The following MYH15 variants were observed in gnomAD, a reference collection of about 807,000 sequenced individuals.
MYH15 encodes myosin-15.
A neutral mutation model predicts 240.5 loss-of-function variants in MYH15; 227 were observed. The observed-to-expected ratio is 0.94, with a 90% CI of 0.85 to 1.05. The LOEUF is 1.05. Among genes scored for constraint, MYH15 ranks in the 50% least tolerant of loss-of-function variants. The pLI is 0.00. For synonymous variants in MYH15, 785 were observed against 796.7 expected (o/e 0.99, Z 0.25); for missense variants, 2,217 against 2,247.5 (o/e 0.99, Z 0.27).
chr3:108,417,322 A>G (rs977432145), intron 28 of MYH15, among the ~76,000 whole-genome samples: 1 of 152,178 alleles, frequency 6.6e-6, no homozygotes, highest in African/African-American at 2.4e-5. Context: ...CTGAAACAGA[A>G]ACATACACAG....
Position 108,485,190 on chromosome 3 carries a change from A to G in MYH15, c.1015T>C (p.Tyr339His), listed in dbSNP as rs1415227906. 7 of 1,614,100 alleles carry G rather than the reference A, an allele frequency of 4.3e-6. No individual in the cohort carries two copies. Among genetic ancestry groups the G allele is most frequent in the Non-Finnish European group, 5.9e-6 (7 of 1,179,968 alleles). The change falls in exon 11 of 41, where the codon TAT becomes CAT. Residue 339 changes from tyrosine (Y) to histidine (H), a missense_variant. Transcript: ENST00000693548. ...DILGFLPDEK[Y>H]GCYKLTGAIM... ...GCTCCAGTGAGTTTATAGCATCCAT[A>G]CTTCTCATCAGGAAGAAAGCCCAAG...
chr3:108,485,180 T>G lies in MYH15; in HGVS notation c.1025A>C (p.Tyr342Ser), dbSNP rs771877706. 5.0e-6 allele frequency: 8 copies of G among 1,614,036 alleles called. No homozygotes were observed. Among genetic ancestry groups the G allele is most frequent in the Non-Finnish European group, 6.8e-6 (8 of 1,179,990 alleles). Residue 342 changes from tyrosine to serine, a missense_variant, in exon 11 of 41, where the codon TAT becomes TCT. Tyr to Ser is a moderately radical substitution (Grantham distance 144, BLOSUM62 -2). Coordinates refer to ENST00000693548, the MANE Select transcript of MYH15 (RefSeq NM_014981.3). ...GFLPDEKYGC[Y>S]KLTGAIMHFG... is the part of the protein sequence containing the mutation. ...GTGCATGATGGCTCCAGTGAGTTTA[T>G]AGCATCCATACTTCTCATCAGGAAG...
chr3:108,509,621 G>A lies in MYH15; in HGVS notation c.88+822C>T, dbSNP rs78115715. On this transcript the variant is annotated intron_variant, in intron 1 of 40. Transcript: ENST00000693548. Reference sequence around the variant, plus strand: ...GTTGACTAATTCTGAATACTAGAACGACATTCAGCCAGTCCTTATGTTGCA... The same window carrying A: ...GTTGACTAATTCTGAATACTAGAACAACATTCAGCCAGTCCTTATGTTGCA... Among the ~76,000 whole-genome samples, 51 of 152,246 alleles carry A rather than the reference G, an allele frequency of 3.3e-4. 2 individuals are homozygous for A. The East Asian group carries it at 9.4e-3, about 28-fold the overall frequency.
intron 1 of MYH15, among the ~76,000 whole-genome samples, chr3:108,521,567 A>C (rs1004994906): frequency 1.3e-5 from 2 of 152,190 alleles, no homozygotes; most frequent in African/African-American, 4.8e-5. Flanking sequence ...TTACAACAGC[A>C]TTGAGGGCAG....
intron 20 of MYH15, among the ~76,000 whole-genome samples, chr3:108,454,660 T>C (rs1348054084): frequency 6.6e-6 from 1 of 152,156 alleles, no homozygotes; most frequent in Non-Finnish European, 1.5e-5. Context: ...TCTTGGGCCA[T>C]AGTTTGCTGA....
upstream of MYH15, chr3:108,510,667 ATAGAC>A (rs2083515916): frequency 2.2e-6 from 3 of 1,386,012 alleles, no homozygotes; most frequent in South Asian, 1.3e-5. Flanking sequence ...ATTCACATAG[ATAGAC>A]TAAAGAGTGT....
intron 38 of MYH15, among the ~76,000 whole-genome samples, chr3:108,385,296 C>T (rs1274631204): frequency 1.3e-5 from 2 of 152,154 alleles, no homozygotes; most frequent in Admixed American, 1.3e-4. Context: ...AACAACTATT[C>T]CTTTGAACTT....
At position 108,400,136 on chromosome 3, in the gene MYH15, C is replaced by CT. The variant is rs542471147; in HGVS notation, c.4737-870dup. On this transcript the variant is annotated intron_variant, in intron 33 of 40. Coordinates refer to ENST00000693548, the MANE Select transcript of MYH15 (RefSeq NM_014981.3). ...TGAGATCCTGCACTCTCCCTTCCCC[C>CT]TTTCTACCAAACTTGATGGCCACAT... Among the ~76,000 whole-genome samples the CT allele has an allele frequency of 1.5e-3, 228 of 152,298 alleles. 2 individuals are homozygous for CT. The South Asian group carries it at 0.023, about 15-fold the overall frequency.
intron 26 of MYH15, 65 bp downstream of exon 26, chr3:108,430,767 T>A (rs2082771883): frequency 1.6e-6 from 2 of 1,273,720 alleles, no homozygotes; most frequent in Admixed American, 3.5e-5. Context: ...AATTAGTCAT[T>A]GAACCACCAG....
At chr3:108,529,082 G>A (rs1178260266) in intron 1 of MYH15, among the ~76,000 whole-genome samples, 1 of 152,238 alleles carries the variant, frequency 6.6e-6, no homozygotes, top group African/African-American at 2.4e-5. Context: ...AAAGCAGACC[G>A]GCTACATTTA....
chr3:108,455,088 T>C (rs1368643278), intron 20 of MYH15, among the ~76,000 whole-genome samples: 1 of 152,212 alleles, frequency 6.6e-6, no homozygotes, highest in Non-Finnish European at 1.5e-5. Flanking sequence ...ATGAGGTCTT[T>C]ATCCTGAATT....
At chr3:108,430,735 G>A (rs2107561582) in intron 26 of MYH15, 97 bp downstream of exon 26, 1 of 882,610 alleles carries the variant, frequency 1.1e-6, no homozygotes, top group South Asian at 1.6e-5. Context: ...GGTTGGCTAA[G>A]GGTATGAATA....
chr3:108,516,164 ATTTT>A (rs999066737), intron 1 of MYH15, among the ~76,000 whole-genome samples: 1 of 152,170 alleles, frequency 6.6e-6, no homozygotes, highest in African/African-American at 2.4e-5. Flanking sequence ...GTCCTGACAC[ATTTT>A]TAAGTCGGTT....
At chr3:108,548,163 ACT>A in the MYH15 span, among the ~76,000 whole-genome samples, 1 of 152,086 alleles carries the variant, frequency 6.6e-6, no homozygotes, top group Non-Finnish European at 1.5e-5. Flanking sequence ...TACAATATTA[ACT>A]CTAAGTGGAT....
intron 28 of MYH15, among the ~76,000 whole-genome samples, chr3:108,419,273 G>A (rs2082662281): frequency 6.6e-6 from 1 of 152,074 alleles, no homozygotes; most frequent in Non-Finnish European, 1.5e-5. Flanking sequence ...CCCAGTGAGG[G>A]GAGGATAGGC....
In MYH15 at chr3:108,439,910, T is replaced by C. The variant is rs1191872448; in HGVS notation, c.2902A>G (p.Lys968Glu). Residue 968 changes from lysine (K) to glutamate (E), a missense_variant, in exon 24 of 41, where the codon AAG becomes GAG. Lys to Glu is a moderately conservative substitution (Grantham distance 56). Coordinates refer to ENST00000693548, the MANE Select transcript of MYH15 (RefSeq NM_014981.3). ...AACTCTACTTCCTCAGTCAAGTTCTTGACCTGTGGGAAGAAGATGACAGCT... is the reference window on the plus strand; with the variant it reads ...AACTCTACTTCCTCAGTCAAGTTCTCGACCTGTGGGAAGAAGATGACAGCT... ...KEKRTTEHKVKNLTEEVEFLN... is the reference protein window; with the variant it reads ...KEKRTTEHKVENLTEEVEFLN... 4 of 1,585,082 alleles carry C rather than the reference T, an allele frequency of 2.5e-6. No individual in the cohort carries two copies. Among genetic ancestry groups the C allele is most frequent in the Non-Finnish European group, 3.4e-6 (4 of 1,166,320 alleles).
At chr3:108,400,135 C>G (rs564740485) in intron 33 of MYH15, among the ~76,000 whole-genome samples, 4 of 152,250 alleles carry the variant, frequency 2.6e-5, no homozygotes, top group African/African-American at 9.6e-5. Flanking sequence ...CTCCCTTCCC[C>G]CTTTCTACCA....
chr3:108,436,160 T>C (rs2082833610), intron 25 of MYH15, among the ~76,000 whole-genome samples: 2 of 152,170 alleles, frequency 1.3e-5, no homozygotes, highest in Admixed American at 1.3e-4. Flanking sequence ...GGAAAAGTTT[T>C]ATAATAAAGT....
chr3:108,387,642 T>C (rs2082394230), intron 38 of MYH15, among the ~76,000 whole-genome samples: 1 of 152,200 alleles, frequency 6.6e-6, no homozygotes, highest in South Asian at 2.1e-4. Context: ...TAAAGCAGCA[T>C]TTCATGTCAT....
Sources: allele counts gnomAD v4.1 joint callset (sites outside exome capture counted in the v4.1 genomes callset), GRCh38; gene constraint gnomAD v4.1.1; transcripts MANE v1.5; gene names NCBI Gene and HGNC (gene_info 2026-07-23, HGNC 2026-07-21).